ATP9B: variants seen among roughly 807,000 people sequenced by gnomAD.
ATP9B encodes probable phospholipid-transporting ATPase IIB.
In ATP9B, 110 loss-of-function variants were observed where a neutral mutation model predicts 146.1. That is an observed-to-expected ratio of 0.75 (90% CI 0.65 to 0.88). The LOEUF (loss-of-function observed/expected upper bound fraction) is 0.88, where lower values mean the gene tolerates loss of function less well. ATP9B is among the 40% of genes least tolerant of loss of function. The pLI is 0.00. For synonymous variants in ATP9B, 604 were observed against 569.7 expected (o/e 1.06, Z -0.86); for missense variants, 1,499 against 1,496.4 (o/e 1.00, Z -0.03).
At chr18:79,312,865 T>C (rs1041641121) in intron 15 of ATP9B, among the ~76,000 whole-genome samples, 4 of 152,240 alleles carry the variant, frequency 2.6e-5, no homozygotes, top group Non-Finnish European at 5.9e-5. Context: ...ACATTGTCAC[T>C]TCCCTCTTTT....
At position 79,069,404 on chromosome 18, in the gene ATP9B, T is replaced by C; in HGVS notation, c.-7T>C. 1 of 1,492,756 alleles carries C rather than the reference T, an allele frequency of 6.7e-7. No homozygotes were observed. Among genetic ancestry groups the C allele is most frequent in the Non-Finnish European group, 8.9e-7 (1 of 1,122,160 alleles). 92.5% of individuals were successfully genotyped at this position (1,492,756 alleles called of 1,614,324 possible). ...AGTGGGAGGGGCGGGAAAGGGGCGG[T>C]CGGAACATGGCGGACCAGATCCCGC... On this transcript the variant is annotated 5_prime_UTR_variant, in exon 1 of 30. Coordinates refer to ENST00000426216, the MANE Select transcript of ATP9B (RefSeq NM_198531.5).
intron 7 of ATP9B, among the ~76,000 whole-genome samples, chr18:79,157,230 A>T (rs931090562): frequency 1.3e-5 from 2 of 150,936 alleles, no homozygotes; most frequent in Non-Finnish European, 3.0e-5. Flanking sequence ...ACACACACAC[A>T]CACACACACA....
chr18:79,282,874 CT>C (rs2096393444), intron 13 of ATP9B, among the ~76,000 whole-genome samples: 1 of 152,156 alleles, frequency 6.6e-6, no homozygotes, highest in Non-Finnish European at 1.5e-5. Context: ...TCCTTTAACC[CT>C]TCTGAGCAAA....
At chr18:79,071,169 A>G (rs533240564) in intron 1 of ATP9B, among the ~76,000 whole-genome samples, 3 of 150,388 alleles carry the variant, frequency 2.0e-5, no homozygotes, top group Non-Finnish European at 2.9e-5. Flanking sequence ...GTATTACAAT[A>G]TACAAATGTG....
At chr18:79,341,629 CGTG>C (rs2096859767) in intron 19 of ATP9B, among the ~76,000 whole-genome samples, 1 of 138,456 alleles carries the variant, frequency 7.2e-6, no homozygotes, top group African/African-American at 2.8e-5. Context: ...ATGTGTGTAG[CGTG>C]ACCTGTTGAA....
intron 7 of ATP9B, among the ~76,000 whole-genome samples, chr18:79,155,124 G>A (rs886396664): frequency 4.6e-5 from 7 of 152,038 alleles, no homozygotes; most frequent in African/African-American, 7.3e-5. Flanking sequence ...TTATTAATAT[G>A]TACCAGGCAC....
intron 28 of ATP9B, among the ~76,000 whole-genome samples, chr18:79,375,162 A>G (rs1404988211): frequency 2.0e-5 from 3 of 152,216 alleles, no homozygotes; most frequent in African/African-American, 7.2e-5. Flanking sequence ...GGGAATGCCA[A>G]GGTGTGTGCT....
chr18:79,254,643 G>A (rs2096061080), intron 12 of ATP9B: 1 of 152,356 alleles, frequency 6.6e-6, no homozygotes, highest in African/African-American at 2.4e-5. Context: ...ACTCCATAAA[G>A]CTGACTGCAG....
chr18:79,136,682 T>C (rs1302274651), intron 5 of ATP9B, among the ~76,000 whole-genome samples: 2 of 152,238 alleles, frequency 1.3e-5, no homozygotes, highest in East Asian at 3.8e-4. Flanking sequence ...TGCTGTGTCT[T>C]CAGATTTACT....
intron 11 of ATP9B, among the ~76,000 whole-genome samples, chr18:79,234,455 T>G (rs1407170221): frequency 1.3e-5 from 2 of 152,236 alleles, no homozygotes; most frequent in Non-Finnish European, 2.9e-5. Flanking sequence ...TCATCTGTCA[T>G]GTTGAAGGTA....
chr18:79,154,108 C>T (rs1330868109), intron 6 of ATP9B, among the ~76,000 whole-genome samples: 1 of 149,300 alleles, frequency 6.7e-6, no homozygotes, highest in South Asian at 2.2e-4. Context: ...TGCCTGCCAC[C>T]ACGCCCAGCT....
At chr18:79,260,457 AGG>A (rs993617385) in intron 12 of ATP9B, among the ~76,000 whole-genome samples, 5 of 152,182 alleles carry the variant, frequency 3.3e-5, no homozygotes, top group African/African-American at 1.2e-4. Context: ...AGACCATTTC[AGG>A]GGCTGACTAA....
intron 12 of ATP9B, among the ~76,000 whole-genome samples, chr18:79,270,062 G>A (rs1276151943): frequency 6.6e-6 from 1 of 152,008 alleles, no homozygotes; most frequent in Non-Finnish European, 1.5e-5. Context: ...GGTTCTGGGG[G>A]ACTTGCCGCT....
intron 12 of ATP9B, among the ~76,000 whole-genome samples, chr18:79,272,794 C>G (rs1048147427): frequency 2.0e-5 from 3 of 152,230 alleles, no homozygotes; most frequent in Non-Finnish European, 4.4e-5. Context: ...ATGCATCATT[C>G]CTAATCCACA....
chr18:79,191,364 C>T (rs760922429), intron 8 of ATP9B, among the ~76,000 whole-genome samples: 87 of 152,128 alleles, frequency 5.7e-4, no homozygotes, highest in Non-Finnish European at 1.1e-3. Flanking sequence ...TTCTGGCTGA[C>T]AGTAAATTTG....
At chr18:79,124,626 C>T (rs1454131746) in intron 4 of ATP9B, among the ~76,000 whole-genome samples, 2 of 152,238 alleles carry the variant, frequency 1.3e-5, no homozygotes, top group African/African-American at 2.4e-5. Flanking sequence ...CATGGTGTTT[C>T]AGGAGACTAC....
At chr18:79,338,191 C>G (rs969528833) in intron 19 of ATP9B, among the ~76,000 whole-genome samples, 1 of 152,234 alleles carries the variant, frequency 6.6e-6, no homozygotes, top group African/African-American at 2.4e-5. Flanking sequence ...TCCACATTGT[C>G]ACAAACTCAG....
chr18:79,280,235 T>A (rs1327612993), intron 13 of ATP9B, among the ~76,000 whole-genome samples: 2 of 152,064 alleles, frequency 1.3e-5, no homozygotes, highest in African/African-American at 2.4e-5. Flanking sequence ...ACATAAAAAA[T>A]TTAATAAGGT....
chr18:79,098,235 G>C (rs1244517088), intron 2 of ATP9B, among the ~76,000 whole-genome samples: 1 of 151,932 alleles, frequency 6.6e-6, no homozygotes, highest in African/African-American at 2.4e-5. Flanking sequence ...ATCAATTCAA[G>C]ATGGATTAAA....
Sources: allele counts gnomAD v4.1 joint callset (sites outside exome capture counted in the v4.1 genomes callset), GRCh38; gene constraint gnomAD v4.1.1; transcripts MANE v1.5; gene names NCBI Gene and HGNC (gene_info 2026-07-23, HGNC 2026-07-21).